ARHGAP12: variants seen among roughly 807,000 people sequenced by gnomAD.
The protein encoded by ARHGAP12 is Rho GTPase activating protein 12.
ARHGAP12 carries 64 observed loss-of-function variants against 108.6 expected under a neutral mutation model. That is an observed-to-expected ratio of 0.59 (90% CI 0.48 to 0.73). The LOEUF is 0.73. ARHGAP12 is among the 30% of genes least tolerant of loss of function. The pLI, the probability that ARHGAP12 is intolerant of heterozygous loss-of-function variation, is 0.00. For missense variants in ARHGAP12, 940 were observed against 1,005.9 expected, an observed-to-expected ratio of 0.93 and a Z score of 0.89; for synonymous variants, 312 against 337.2, an observed-to-expected ratio of 0.93 and a Z score of 0.82.
Position 31,908,599 on chromosome 10 carries a change from C to G in ARHGAP12, c.257G>C (p.Gly86Ala), listed in dbSNP as rs1466842773. 1.9e-6 allele frequency: 3 copies of G among 1,614,086 alleles called. No individual in the cohort carries two copies. In the African/African-American group the frequency reaches 4.0e-5, roughly 22 times the overall value. Reference protein sequence around the residue: ...ALMPPVKQVAGLPNNSTKIMQ... With the variant: ...ALMPPVKQVAALPNNSTKIMQ... ...TATTTTCGTGGAGTTATTTGGCAGA[C>G]CAGCTACCTGCTTAACAGGTGGCAT... The change falls in exon 3 of 20, where the codon GGT becomes GCT. Residue 86 changes from glycine to alanine, a missense_variant. Coordinates refer to ENST00000344936, the MANE Select transcript of ARHGAP12 (RefSeq NM_018287.7).
At position 31,857,598 on chromosome 10, in the gene ARHGAP12, C is replaced by T. The variant is rs138614923; in HGVS notation, c.949-3392G>A. ...AATTCGGAAATCTCAACAAAGCCCTCGCAGAAAATAAAAAACCTTTACCCA... is the reference window on the plus strand; with the variant it reads ...AATTCGGAAATCTCAACAAAGCCCTTGCAGAAAATAAAAAACCTTTACCCA... On this transcript the variant is annotated intron_variant, in intron 4 of 19. Transcript: ENST00000344936. Among the ~76,000 whole-genome samples the T allele has an allele frequency of 8.9e-3, 1,347 of 152,132 alleles. 9 individuals are homozygous for T. The highest frequency in any genetic ancestry group is 0.014 in the Non-Finnish European group (943 of 67,992).
At chr10:31,927,898 G>A (rs1194398040) in intron 1 of ARHGAP12, among the ~76,000 whole-genome samples, 2 of 152,182 alleles carry the variant, frequency 1.3e-5, no homozygotes, top group Non-Finnish European at 2.9e-5. Flanking sequence ...GATGGGAGGC[G>A]GGCTGCACGC....
At chr10:31,879,187 G>A (rs1237033613) in intron 3 of ARHGAP12, among the ~76,000 whole-genome samples, 2 of 152,256 alleles carry the variant, frequency 1.3e-5, no homozygotes, top group Admixed American at 1.3e-4. Flanking sequence ...TAGGCAGGCA[G>A]ATTGCTTGAG....
At chr10:31,852,980 G>A (rs534870370) in intron 5 of ARHGAP12, among the ~76,000 whole-genome samples, 45 of 152,062 alleles carry the variant, frequency 3.0e-4, no homozygotes, top group South Asian at 1.0e-3. Flanking sequence ...CGCCTGCCTC[G>A]GCCTCCCAAA....
intron 3 of ARHGAP12, among the ~76,000 whole-genome samples, chr10:31,894,031 T>C (rs1369653539): frequency 6.6e-6 from 1 of 152,168 alleles, no homozygotes; most frequent in Non-Finnish European, 1.5e-5. Context: ...GAAAAGGCCT[T>C]TGACAAAATT....
Position 31,843,603 on chromosome 10 carries a change from CA to C in ARHGAP12, c.1171-18del. On this transcript the variant is annotated intron_variant, in intron 6 of 19. Coordinates refer to ENST00000344936, the MANE Select transcript of ARHGAP12 (RefSeq NM_018287.7). ...AGCATTATACTAAAACAAAACAAAG[CA>C]AAAAACACAAAAAACAGTTCATAAA... is the stretch of plus-strand genomic sequence containing the variant. The C allele has an allele frequency of 1.9e-6, 3 of 1,562,296 alleles. No homozygotes were observed. The highest frequency in any genetic ancestry group is 2.6e-6 in the Non-Finnish European group (3 of 1,162,144).
chr10:31,867,252 A>G (rs945645699), intron 3 of ARHGAP12, among the ~76,000 whole-genome samples: 5 of 151,948 alleles, frequency 3.3e-5, no homozygotes, highest in African/African-American at 7.3e-5. Flanking sequence ...ACTTAAAATC[A>G]GCTTAAATCC....
At chr10:31,859,608 T>C (rs1337107241) in intron 4 of ARHGAP12, among the ~76,000 whole-genome samples, 2 of 45,636 alleles carry the variant, frequency 4.4e-5, no homozygotes, top group African/African-American at 1.3e-4. Context: ...CCTGTATACA[T>C]AGTCACTCCC....
intron 9 of ARHGAP12, among the ~76,000 whole-genome samples, chr10:31,832,735 A>G (rs1056605093): frequency 3.9e-5 from 6 of 152,194 alleles, no homozygotes; most frequent in Non-Finnish European, 8.8e-5. Context: ...TATTTTCTCA[A>G]TGTACTTTAA....
At chr10:31,838,315 G>A (rs1836106093) in intron 9 of ARHGAP12, among the ~76,000 whole-genome samples, 1 of 152,030 alleles carries the variant, frequency 6.6e-6, no homozygotes, top group East Asian at 1.9e-4. Context: ...TATGAGATGA[G>A]GTGGTGGAGG....
At chr10:31,911,662 G>A (rs921919736) in intron 1 of ARHGAP12, among the ~76,000 whole-genome samples, 3 of 152,236 alleles carry the variant, frequency 2.0e-5, no homozygotes, top group African/African-American at 7.2e-5. Context: ...AAGATGTGGT[G>A]GCATAAGCTT....
chr10:31,836,580 T>TAAG (rs1836023578), intron 9 of ARHGAP12, among the ~76,000 whole-genome samples: 1 of 63,838 alleles, frequency 1.6e-5, no homozygotes, highest in Non-Finnish European at 2.9e-5. Flanking sequence ...ATTTTTAAGG[T>TAAG]GACATTAAGA....
intron 4 of ARHGAP12, among the ~76,000 whole-genome samples, chr10:31,860,402 A>C (rs1327757171): frequency 1.3e-5 from 2 of 152,208 alleles, no homozygotes; most frequent in Non-Finnish European, 2.9e-5. Flanking sequence ...AATCCTACCA[A>C]GTTACTCCTG....
chr10:31,916,577 T>C (rs1839566581), intron 1 of ARHGAP12, among the ~76,000 whole-genome samples: 3 of 152,172 alleles, frequency 2.0e-5, no homozygotes, highest in Non-Finnish European at 4.4e-5. Flanking sequence ...AAGAGGTATA[T>C]CAAAAAAAGT....
At chr10:31,808,624 T>TG in intron 19 of ARHGAP12, 25 bp downstream of exon 19, 1 of 1,606,810 alleles carries the variant, frequency 6.2e-7, no homozygotes, top group Non-Finnish European at 8.5e-7. Context: ...CTATACCACA[T>TG]CCCATGACTG....
rs528439596 is a variant in ARHGAP12, at chr10:31,826,772, T to A, written c.1449-387A>T. On this transcript the variant is annotated intron_variant, in intron 10 of 19. Coordinates refer to ENST00000344936, the MANE Select transcript of ARHGAP12 (RefSeq NM_018287.7). ...AGAAGTAAAAATTAGACAAACACGC[T>A]TCCCTCACTCACCTAATTCTTTATA... is the stretch of plus-strand genomic sequence containing the variant. 1.2e-4 allele frequency: 19 copies of A among 161,970 alleles called. No homozygotes were observed. The South Asian group carries it at 3.6e-3, about 31-fold the overall frequency. 10.0% of individuals were successfully genotyped at this position (161,970 alleles called of 1,614,324 possible).
At chr10:31,839,153 C>A in intron 9 of ARHGAP12, 152 bp downstream of exon 9, 1 of 701,758 alleles carries the variant, frequency 1.4e-6, no homozygotes, top group South Asian at 2.7e-5. Context: ...GGTATCTTAA[C>A]AGAAGTCACA....
chr10:31,908,037 A>G (rs1444236474), intron 3 of ARHGAP12, 135 bp downstream of exon 3: 1 of 795,614 alleles, frequency 1.3e-6, no homozygotes, highest in Non-Finnish European at 1.9e-6. Flanking sequence ...AGATCTCTAA[A>G]TCAGGATAGA....
chr10:31,839,522 A>C, intron 8 of ARHGAP12, 115 bp downstream of exon 8: 2 of 1,186,900 alleles, frequency 1.7e-6, no homozygotes, highest in Non-Finnish European at 2.3e-6. Context: ...TTTTTAGAAA[A>C]ACCAATGAAA....
Sources: allele counts gnomAD v4.1 joint callset (sites outside exome capture counted in the v4.1 genomes callset), GRCh38; gene constraint gnomAD v4.1.1; transcripts MANE v1.5; gene names NCBI Gene and HGNC (gene_info 2026-07-23, HGNC 2026-07-21).